Variants in DMD observed in about 807,000 individuals in gnomAD.
The protein encoded by DMD is mutant dystrophin.
DMD carries 63 observed loss-of-function variants against 330.1 expected under a neutral mutation model. The ratio of observed to expected loss-of-function variants is 0.19; its 90% CI spans 0.16 to 0.24. DMD has a LOEUF of 0.24. DMD is among the 10% of genes least tolerant of loss of function. The probability of loss-of-function intolerance (pLI) is 1.00; values close to 1 mark genes in which losing one functional copy is unlikely to be tolerated. For synonymous variants in DMD, 1,223 were observed against 959.8 expected (o/e 1.27, Z -5.07); for missense variants, 3,344 against 2,684.1 (o/e 1.25, Z -5.43).
chrX:32,297,257 T>G (rs927310492), intron 42 of DMD, among the ~76,000 whole-genome samples: 7 of 99,887 alleles, frequency 7.0e-5, no homozygotes, highest in Non-Finnish European at 1.4e-4. Flanking sequence ...ATTTATTTAT[T>G]TATTTATTTA....
chrX:31,972,335 T>C (rs373896137), intron 44 of DMD, among the ~76,000 whole-genome samples: 4 of 111,870 alleles, frequency 3.6e-5, no homozygotes, highest in African/African-American at 1.3e-4. Flanking sequence ...GCTACATTTT[T>C]ATTTTTATAC....
At chrX:31,287,111 G>C (rs1050365716) in intron 62 of DMD, among the ~76,000 whole-genome samples, 2 of 112,216 alleles carry the variant, frequency 1.8e-5, no homozygotes, top group African/African-American at 6.5e-5. Flanking sequence ...TGAATATGAT[G>C]TTTTAGTACA....
intron 44 of DMD, among the ~76,000 whole-genome samples, chrX:31,980,860 T>G (rs1466050693): frequency 8.9e-6 from 1 of 112,025 alleles, no homozygotes; most frequent in Non-Finnish European, 1.9e-5. Flanking sequence ...TTTACCTCAA[T>G]TAAGAAATAA....
Position 31,683,717 on chromosome X carries a change from A to C in DMD, c.7661-4131T>G, listed in dbSNP as rs1379324600. On this transcript the variant is annotated intron_variant, in intron 52 of 78. Transcript: ENST00000357033. ...AAGATGAATGAAAGACTAGAGAAGG[A>C]GGAGGAATATCAAGAAAGTGTACTT... Among the ~76,000 whole-genome samples the C allele has an allele frequency of 4.5e-5, 5 of 112,346 alleles. No homozygotes were observed. The South Asian group carries it at 1.8e-3, about 41-fold the overall frequency.
At chrX:32,167,628 G>A (rs12353600) in intron 44 of DMD, among the ~76,000 whole-genome samples, 113 of 112,359 alleles carry the variant, frequency 1.0e-3, no homozygotes, top group African/African-American at 3.6e-3. Flanking sequence ...GTCTAACAAC[G>A]TCCCTGATAC....
intron 1 of DMD, among the ~76,000 whole-genome samples, chrX:33,248,911 G>C (rs954325107): frequency 8.9e-6 from 1 of 112,009 alleles, no homozygotes; most frequent in African/African-American, 3.2e-5. Context: ...ATTATTTTTG[G>C]TATATAGTAT....
chrX:33,190,880 ATATATAATATTATATATTATAT>A (rs2050522139), intron 1 of DMD, among the ~76,000 whole-genome samples: 2 of 437 alleles, frequency 4.6e-3, no homozygotes, highest in Non-Finnish European at 4.1e-3. Context: ...TATATATATA[ATATATAATATTATATATTATAT>A]AATATATAAT....
chrX:33,154,188 G>A (rs764259859), intron 1 of DMD, among the ~76,000 whole-genome samples: 204 of 111,043 alleles, frequency 1.8e-3, no homozygotes, highest in Non-Finnish European at 3.0e-3. Context: ...TTTGAGGTCA[G>A]GAGATGGAGA....
At chrX:33,169,140 C>T (rs1318159322) in intron 1 of DMD, among the ~76,000 whole-genome samples, 1 of 110,853 alleles carries the variant, frequency 9.0e-6, no homozygotes, top group Non-Finnish European at 1.9e-5. Flanking sequence ...AAAACAATTA[C>T]TGTTCATATT....
intron 25 of DMD, among the ~76,000 whole-genome samples, chrX:32,460,490 C>T (rs988831556): frequency 9.0e-6 from 1 of 110,849 alleles, no homozygotes; most frequent in Non-Finnish European, 1.9e-5. Context: ...TGAAATGATG[C>T]CACTCCTATG....
intron 2 of DMD, among the ~76,000 whole-genome samples, chrX:33,010,098 GTATATGCACA>G (rs1172252180): frequency 1.0e-5 from 1 of 99,306 alleles, no homozygotes; most frequent in Non-Finnish European, 2.1e-5. Context: ...ATATATACAT[GTATATGCACA>G]TATGTGCACA....
intron 44 of DMD, among the ~76,000 whole-genome samples, chrX:31,976,290 G>C (rs1343247640): frequency 4.5e-5 from 5 of 111,172 alleles, no homozygotes; most frequent in African/African-American, 1.6e-4. Context: ...TGAAGATACT[G>C]GTCTGGAACT....
intron 51 of DMD, among the ~76,000 whole-genome samples, chrX:31,745,701 T>C (rs1345997736): frequency 8.9e-6 from 1 of 112,233 alleles, no homozygotes; most frequent in Non-Finnish European, 1.9e-5. Context: ...TTGCTGATTC[T>C]ACTTGTAATA....
At chrX:31,652,707 C>T (rs145279210) in intron 54 of DMD, among the ~76,000 whole-genome samples, 145 of 111,184 alleles carry the variant, frequency 1.3e-3, no homozygotes, top group African/African-American at 4.3e-3. Context: ...AGAAGATGGA[C>T]GAATTAAAAT....
intron 52 of DMD, among the ~76,000 whole-genome samples, chrX:31,695,079 T>C (rs2148832847): frequency 9.0e-6 from 1 of 111,483 alleles, no homozygotes; most frequent in African/African-American, 3.2e-5. Context: ...GATGCGGTAC[T>C]ATTTAGCAAT....
intron 47 of DMD, among the ~76,000 whole-genome samples, chrX:31,899,792 T>G (rs2094397994): frequency 9.0e-6 from 1 of 111,273 alleles, no homozygotes; most frequent in South Asian, 3.8e-4. Context: ...AGAATCTAAT[T>G]CCATAAGTTT....
rs939660481 is a variant in DMD, at chrX:32,565,881, C to T, written c.1813G>A (p.Val605Ile). 3 of 1,206,397 alleles carry T rather than the reference C, an allele frequency of 2.5e-6. No homozygotes were observed. Among genetic ancestry groups the T allele is most frequent in the Non-Finnish European group, 3.4e-6 (3 of 891,315 alleles). Residue 605 changes from valine (V) to isoleucine (I), a missense_variant and splice_region_variant, in exon 16 of 79, where the codon GTT becomes ATT. Val to Ile is a conservative substitution (Grantham distance 29). Transcript: ENST00000357033. Reference sequence around the variant, plus strand: ...TTCTTTTCTAGATCCGCTTTTAAAACCTGTTAAAACAAGAAAGATCACAGA... The same window carrying T: ...TTCTTTTCTAGATCCGCTTTTAAAATCTGTTAAAACAAGAAAGATCACAGA... The part of the protein sequence containing the change: ...EMLSSLQKLA[V>I]LKADLEKKKQ...
chrX:33,268,664 C>T lies in DMD; in HGVS notation c.7+70595G>A, dbSNP rs935698620. Among the ~76,000 whole-genome samples the T allele has an allele frequency of 1.1e-4, 12 of 111,614 alleles. No individual in the cohort carries two copies. In the South Asian group the frequency reaches 1.1e-3, roughly 10 times the overall value. The stretch of plus-strand genomic sequence containing the variant: ...AAGAAAGGCTGAGTGCAGTGGCTTG[C>T]GCCTGTAATCCCAGCACTGTAGGAG... On this transcript the variant is annotated intron_variant, in intron 1 of 17. Coordinates refer to the DMD transcript ENST00000288447.
At chrX:32,431,219 C>A (rs1019745182) in intron 29 of DMD, among the ~76,000 whole-genome samples, 1 of 110,953 alleles carries the variant, frequency 9.0e-6, no homozygotes, top group African/African-American at 3.3e-5. Context: ...ACATTCTTGC[C>A]AAACTTGTCA....
Sources: gnomAD v4.1 joint callset for allele counts (sites outside exome capture counted in the v4.1 genomes callset) on GRCh38, gnomAD v4.1.1 for gene constraint, MANE v1.5 for transcripts, NCBI Gene and HGNC (gene_info 2026-07-23, HGNC 2026-07-21) for gene names.